The following AHNAK2 variants were observed in gnomAD, a reference collection of about 807,000 sequenced individuals.
AHNAK2 encodes the protein protein AHNAK2.
Under a neutral mutation model 30.7 loss-of-function variants are expected in AHNAK2, and 18 were observed. The observed-to-expected ratio is 0.59, with a 90% CI of 0.41 to 0.87. The LOEUF is 0.87. Among genes scored for constraint, AHNAK2 ranks in the 40% least tolerant of loss-of-function variants. AHNAK2 has a pLI of 0.00. For missense variants in AHNAK2, 8,604 were observed against 7,373.0 expected, an observed-to-expected ratio of 1.17 and a Z score of -6.11; for synonymous variants, 3,590 against 3,073.8, an observed-to-expected ratio of 1.17 and a Z score of -5.56.
chr14:104,957,301 TG>T, intron 3 of AHNAK2, 108 bp downstream of exon 3: 1 of 1,044,128 alleles, frequency 9.6e-7, no homozygotes, highest in Non-Finnish European at 1.4e-6. Flanking sequence ...CACTGCCCAG[TG>T]GGCAGCGGGG....
intron 1 of AHNAK2, among the ~76,000 whole-genome samples, chr14:104,964,542 C>T (rs1236973842): frequency 6.6e-6 from 1 of 152,030 alleles, no homozygotes; most frequent in African/African-American, 2.4e-5. Context: ...TCTGCAGCAC[C>T]CAGAAACCAG....
At position 104,978,270 on chromosome 14, in the gene AHNAK2, C is replaced by G; in HGVS notation, c.-33G>C. The G allele has an allele frequency of 9.5e-7, 1 of 1,058,198 alleles. No homozygotes were observed. Among genetic ancestry groups the G allele is most frequent in the Non-Finnish European group, 1.1e-6 (1 of 872,610 alleles). The allele number at this position is 1,058,198 out of a possible 1,614,324, so 65.6% of individuals were successfully genotyped here. Reference sequence around the variant, plus strand: ...GCCAGGCGGTGCGGGCCTGGCGGCCCGTCGCGTCCAGTCGCTGGTCCCGGC... The same window carrying G: ...GCCAGGCGGTGCGGGCCTGGCGGCCGGTCGCGTCCAGTCGCTGGTCCCGGC... On this transcript the variant is annotated 5_prime_UTR_variant, in exon 1 of 7. Coordinates refer to ENST00000333244, the MANE Select transcript of AHNAK2 (RefSeq NM_138420.4).
Position 104,947,655 on chromosome 14 carries a change from T to G in AHNAK2, c.7796A>C (p.Lys2599Thr), listed in dbSNP as rs538038172. 1 of 1,613,026 alleles carries G rather than the reference T, an allele frequency of 6.2e-7. No individual in the cohort carries two copies. The highest frequency in any genetic ancestry group is 1.3e-5 in the African/African-American group (1 of 74,598). Residue 2599 changes from lysine (K) to threonine (T), a missense_variant, in exon 7 of 7, where the codon AAG (lysine) becomes ACG (threonine). Transcript: ENST00000333244. The stretch of plus-strand genomic sequence containing the variant: ...CACATCGGGGGCTGTCACTTCCGCC[T>G]TGGGGCCTTTCAGGTCCAGCTTGGG... ...KGPKLDLKGP[K>T]AEVTAPDVEM...
rs756472927 is a variant in AHNAK2, at chr14:104,947,988, A to T, written c.7463T>A (p.Phe2488Tyr). ...AGACACCCCGAATGACGGCATCTTG[A>T]ACTTGGGAATTTTGAACCTGCTGTC... ...TKDSRFKIPK[F>Y]KMPSFGVSAP... The change falls in exon 7 of 7, where the codon TTC becomes TAC. Residue 2488 changes from phenylalanine to tyrosine, a missense_variant. By Grantham distance (22) the Phe-to-Tyr change is conservative. Coordinates refer to ENST00000333244, the MANE Select transcript of AHNAK2 (RefSeq NM_138420.4). The T allele has an allele frequency of 5.4e-5, 87 of 1,611,812 alleles. No individual in the cohort carries two copies. The highest frequency in any genetic ancestry group is 6.8e-5 in the Non-Finnish European group (80 of 1,179,410).
rs755531250 is a variant in AHNAK2 at position 104,940,204 on chromosome 14, C to T, written c.15247G>A (p.Glu5083Lys). The change falls in exon 7 of 7, where the codon GAG becomes AAG. Residue 5083 changes from glutamate to lysine, a missense_variant. Physicochemically the swap from Glu to Lys is moderately conservative, Grantham distance 56. Coordinates refer to ENST00000333244, the MANE Select transcript of AHNAK2 (RefSeq NM_138420.4). This position sits in a 1 kb window ranked among gnomAD's most constrained non-coding sequence, Gnocchi z 4.4. ...TGTGGCCGGTGGAGGTTCACACCCT[C>T]ACTTCCTGTGGCACTTGCTGTTGCA... ...LGATASATGS[E>K]GVNLHRPQVH... 2 of 1,613,604 alleles carry T rather than the reference C, an allele frequency of 1.2e-6. No individual in the cohort carries two copies. The highest frequency in any genetic ancestry group is 1.7e-6 in the Non-Finnish European group (2 of 1,179,900).
Position 104,952,177 on chromosome 14 carries a change from G to A in AHNAK2, c.3274C>T (p.Pro1092Ser), listed in dbSNP as rs1454017313. ...PKVEMPSFKMPKVALKGPQVD... is the reference protein window; with the variant it reads ...PKVEMPSFKMSKVALKGPQVD... ...TGGGGGCCCTTGAGGGCCACTTTGG[G>A]CATCTTGAAACTGGGCATCTCCACC... The change falls in exon 7 of 7, where the codon CCC (proline) becomes TCC (serine). Residue 1092 changes from proline (P) to serine (S), a missense_variant. By Grantham distance (74) the Pro-to-Ser change is moderately conservative (BLOSUM62 -1). Coordinates refer to ENST00000333244, the MANE Select transcript of AHNAK2 (RefSeq NM_138420.4). The A allele has an allele frequency of 6.2e-7, 1 of 1,612,532 alleles. No individual in the cohort carries two copies. Among genetic ancestry groups the A allele is most frequent in the South Asian group, 1.1e-5 (1 of 91,004 alleles).
At position 104,946,340 on chromosome 14, in the gene AHNAK2, G is replaced by A. The variant is rs1172930585; in HGVS notation, c.9111C>T (p.Val3037=). The change falls in exon 7 of 7, where the codon GTC becomes GTT. Residue 3037 remains valine, a synonymous_variant. Transcript: ENST00000333244. The stretch of plus-strand genomic sequence containing the variant: ...GCTTCAGGTCCACCTGGCCAGCCTG[G>A]ACCTCCAGTTGGGCAGAGGGGGGCT... ...SIEPPSAQLE[V]QAGQVDLKLP... 1.2e-6 allele frequency: 2 copies of A among 1,612,144 alleles called. No homozygotes were observed. Among genetic ancestry groups the A allele is most frequent in the Admixed American group, 3.3e-5 (2 of 59,880 alleles).
chr14:104,954,502 T>C lies in AHNAK2; in HGVS notation c.949A>G (p.Ser317Gly). The part of the protein sequence containing the change: ...ERQEQKAGPG[S>G]QRRRKFLNLR... ...TTGAGGAACTTCCGCCTCCTCTGGC[T>C]GCCCGGCCCTGCCTTCTGCTCTTGG... The change falls in exon 7 of 7, where the codon AGC becomes GGC. Residue 317 changes from serine (S) to glycine (G), a missense_variant. Coordinates refer to ENST00000333244, the MANE Select transcript of AHNAK2 (RefSeq NM_138420.4). This position sits in a 1 kb window ranked among gnomAD's most constrained non-coding sequence, Gnocchi z 4.3. 6.2e-7 allele frequency: 1 copy of C among 1,612,378 alleles called. No homozygotes were observed. Among genetic ancestry groups the C allele is most frequent in the Non-Finnish European group, 8.5e-7 (1 of 1,179,508 alleles).
At chr14:104,977,410 G>A (rs1030199684) in intron 1 of AHNAK2, among the ~76,000 whole-genome samples, 2 of 152,184 alleles carry the variant, frequency 1.3e-5, no homozygotes, top group African/African-American at 4.8e-5. Context: ...AGGTACACAT[G>A]CCGTAGCCTG....
rs764747246 is a variant in AHNAK2, at chr14:104,956,690, C to A, written c.214-1G>T. On this transcript the variant is annotated splice_acceptor_variant, in intron 3 of 6. Coordinates refer to ENST00000333244, the MANE Select transcript of AHNAK2 (RefSeq NM_138420.4). LOFTEE classifies it high-confidence loss of function. ...AACCTTGCCTGCCGGGGGCGTCTTC[C>A]TGCAGCCACAAGTGTTGGGAGTTAG... is the stretch of plus-strand genomic sequence containing the variant. 6.2e-7 allele frequency: 1 copy of A among 1,613,590 alleles called. No homozygotes were observed. Among genetic ancestry groups the A allele is most frequent in the South Asian group, 1.1e-5 (1 of 91,086 alleles).
chr14:104,963,295 G>A (rs1401654184), intron 1 of AHNAK2, among the ~76,000 whole-genome samples: 2 of 152,170 alleles, frequency 1.3e-5, no homozygotes, highest in South Asian at 2.1e-4. Flanking sequence ...ACAGACACAC[G>A]TACACAAAGC....
At chr14:104,976,904 A>G (rs1899607432) in intron 1 of AHNAK2, among the ~76,000 whole-genome samples, 1 of 152,092 alleles carries the variant, frequency 6.6e-6, no homozygotes, top group Non-Finnish European at 1.5e-5. Context: ...GGCCAGTCAT[A>G]GTGAAAGAGG....
intron 1 of AHNAK2, among the ~76,000 whole-genome samples, chr14:104,977,142 C>A (rs983450968): frequency 1.3e-5 from 2 of 152,204 alleles, no homozygotes; most frequent in Non-Finnish European, 2.9e-5. Context: ...GCCAGGGGCA[C>A]CCCTCTCACC....
At position 104,939,588 on chromosome 14, in the gene AHNAK2, G is replaced by C. The variant is rs1439904641; in HGVS notation, c.15863C>G (p.Thr5288Ser). 2.5e-6 allele frequency: 4 copies of C among 1,613,824 alleles called. No individual in the cohort carries two copies. In the South Asian group the frequency reaches 4.4e-5, roughly 18 times the overall value. Residue 5288 changes from threonine (T) to serine (S), a missense_variant, in exon 7 of 7, where the codon ACT becomes AGT. By Grantham distance (58) the Thr-to-Ser change is moderately conservative. Coordinates refer to ENST00000333244, the MANE Select transcript of AHNAK2 (RefSeq NM_138420.4). Reference sequence around the variant, plus strand: ...CTCAGAAGTGGAAAGCTCATCCCCAGTCATCCCAGCAGTGGAGAGGTGCAG... The same window carrying C: ...CTCAGAAGTGGAAAGCTCATCCCCACTCATCCCAGCAGTGGAGAGGTGCAG... Reference protein sequence around the residue: ...LKLHLSTAGMTGDELSTSEVR... With the variant: ...LKLHLSTAGMSGDELSTSEVR...
In AHNAK2 at chr14:104,953,867, C is replaced by T. The variant is rs569071958; in HGVS notation, c.1584G>A (p.Lys528=). ...ACCCGGCTCCTTCCACCTCCTCACC[C>T]TTCAGGCCAGTACCCGCTTTTGAGG... The part of the protein sequence containing the change: ...DASSKAGTGL[K]GEEVEGAGWM... The change falls in exon 7 of 7, where the codon AAG becomes AAA. Residue 528 remains lysine, a synonymous_variant. Coordinates refer to ENST00000333244, the MANE Select transcript of AHNAK2 (RefSeq NM_138420.4). The T allele has an allele frequency of 8.7e-6, 14 of 1,613,886 alleles. No individual in the cohort carries two copies. The highest frequency in any genetic ancestry group is 1.1e-5 in the Non-Finnish European group (13 of 1,179,900).
intron 1 of AHNAK2, among the ~76,000 whole-genome samples, chr14:104,960,123 G>C (rs1387479171): frequency 6.6e-6 from 1 of 152,178 alleles, no homozygotes; most frequent in Non-Finnish European, 1.5e-5. Flanking sequence ...ACAATCATCT[G>C]TGAACCACTT....
intron 1 of AHNAK2, among the ~76,000 whole-genome samples, chr14:104,969,256 G>A (rs995517253): frequency 2.6e-5 from 4 of 152,184 alleles, no homozygotes; most frequent in African/African-American, 4.8e-5. Flanking sequence ...AGCTGCACCC[G>A]TGAGGCTATT....
Position 104,944,089 on chromosome 14 carries a change from C to T in AHNAK2, c.11362G>A (p.Asp3788Asn), listed in dbSNP as rs1242593428. 8 of 1,613,300 alleles carry T rather than the reference C, an allele frequency of 5.0e-6. No individual in the cohort carries two copies. Among genetic ancestry groups the T allele is most frequent in the East Asian group, 2.2e-5 (1 of 44,786 alleles). The stretch of plus-strand genomic sequence containing the variant: ...ACATCCTTGTCGGCCAGGGACAGGT[C>T]CCCCTCCAGCTGTGCACTATCCAGT... ...AKLDSAQLEG[D>N]LSLADKDVTA... The change falls in exon 7 of 7, where the codon GAC (aspartate) becomes AAC (asparagine). Residue 3788 changes from aspartate (D) to asparagine (N), a missense_variant. By Grantham distance (23) the Asp-to-Asn change is conservative (BLOSUM62 1). Coordinates refer to ENST00000333244, the MANE Select transcript of AHNAK2 (RefSeq NM_138420.4).
chr14:104,954,863 G>C lies in AHNAK2; in HGVS notation c.652-64C>G. On this transcript the variant is annotated intron_variant, in intron 6 of 6. Transcript: ENST00000333244. This position sits in a 1 kb window ranked among gnomAD's most constrained non-coding sequence, Gnocchi z 4.3. The stretch of plus-strand genomic sequence containing the variant: ...AAGAAGCCTGGGGCCCTGGCCCAGG[G>C]ACAGATGGAGTGGGAGTGCTATCCC... 6.5e-7 allele frequency: 1 copy of C among 1,538,390 alleles called. No homozygotes were observed. Among genetic ancestry groups the C allele is most frequent in the African/African-American group, 1.4e-5 (1 of 72,610 alleles).
Sources: gnomAD v4.1 joint callset for allele counts (sites outside exome capture counted in the v4.1 genomes callset) on GRCh38, gnomAD v4.1.1 for gene constraint, Gnocchi (gnomAD v3.1) non-coding constraint, MANE v1.5 for transcripts, NCBI Gene and HGNC (gene_info 2026-07-23, HGNC 2026-07-21) for gene names.